Variants in WWC2 observed in about 807,000 individuals in gnomAD.
WWC2 encodes WW and C2 domain containing 2, also known as protein WWC2.
A neutral mutation model predicts 138.5 loss-of-function variants in WWC2; 101 were observed. The observed-to-expected ratio is 0.73, with a 90% CI of 0.62 to 0.86. The LOEUF is 0.86. Among genes scored for constraint, WWC2 ranks in the 40% least tolerant of loss-of-function variants. The pLI is 0.00. For synonymous variants in WWC2, 558 were observed against 538.4 expected (o/e 1.04, Z -0.50); for missense variants, 1,420 against 1,419.4 (o/e 1.00, Z -0.01).
At position 183,163,616 on chromosome 4, in the gene WWC2, C is replaced by G. The variant is rs565086464; in HGVS notation, c.132-29983C>G. 2.2e-4 allele frequency among the ~76,000 whole-genome samples: 34 copies of G among 152,254 alleles called. 1 individual carries two copies. The South Asian group carries it at 7.1e-3, about 32-fold the overall frequency. ...CCTCAGTGTAAATTAGGATACGTCT[C>G]TATTTCCTTTATTTTTCATTTTGGT... On this transcript the variant is annotated intron_variant, in intron 1 of 22. Transcript: ENST00000403733.
intron 1 of WWC2, among the ~76,000 whole-genome samples, chr4:183,109,006 G>GTT (rs1732137356): frequency 6.6e-6 from 1 of 152,014 alleles, no homozygotes; most frequent in Admixed American, 6.6e-5. Context: ...CTAATTTTGT[G>GTT]GTTTTTTTTC....
At chr4:183,300,357 C>T (rs73872353) in intron 21 of WWC2, among the ~76,000 whole-genome samples, 77 of 110,980 alleles carry the variant, frequency 6.9e-4, no homozygotes, top group Non-Finnish European at 6.4e-4. Context: ...TTTTTTTTTT[C>T]CATAGAGTGT....
At chr4:183,123,226 C>G (rs181004731) in intron 1 of WWC2, among the ~76,000 whole-genome samples, 2 of 152,168 alleles carry the variant, frequency 1.3e-5, no homozygotes, top group East Asian at 3.9e-4. Flanking sequence ...AATTTGTAAA[C>G]CCAAAAAATT....
At chr4:183,185,456 A>C (rs1248590887) in intron 1 of WWC2, among the ~76,000 whole-genome samples, 1 of 152,238 alleles carries the variant, frequency 6.6e-6, no homozygotes, top group Non-Finnish European at 1.5e-5. Context: ...TCACGTAAAA[A>C]AGAGGAAAGT....
intron 1 of WWC2, among the ~76,000 whole-genome samples, chr4:183,168,871 A>C (rs1163543739): frequency 6.6e-6 from 1 of 151,992 alleles, no homozygotes; most frequent in Non-Finnish European, 1.5e-5. Context: ...TTTTTGAGAC[A>C]GAGTTTCACT....
At chr4:183,163,465 A>C (rs1398529769) in intron 1 of WWC2, among the ~76,000 whole-genome samples, 1 of 152,236 alleles carries the variant, frequency 6.6e-6, no homozygotes, top group African/African-American at 2.4e-5. Flanking sequence ...CATGATAGGG[A>C]GGATGCAGAT....
intron 1 of WWC2, among the ~76,000 whole-genome samples, chr4:183,124,964 G>C (rs1054357750): frequency 2.0e-5 from 3 of 152,148 alleles, no homozygotes; most frequent in Non-Finnish European, 4.4e-5. Flanking sequence ...TTTTCTGATG[G>C]AATGTGTAGC....
At chr4:183,290,862 G>A (rs1194729675) in intron 21 of WWC2, among the ~76,000 whole-genome samples, 1 of 152,212 alleles carries the variant, frequency 6.6e-6, no homozygotes, top group East Asian at 1.9e-4. Flanking sequence ...ATCATGTCAT[G>A]TATAGTACTG....
chr4:183,258,070 C>G (rs1409151850), intron 9 of WWC2, among the ~76,000 whole-genome samples: 1 of 152,146 alleles, frequency 6.6e-6, no homozygotes, highest in African/African-American at 2.4e-5. Context: ...TGACGTCATC[C>G]TGGTGCCTCC....
chr4:183,155,221 A>AGTGT (rs34320402), intron 1 of WWC2, among the ~76,000 whole-genome samples: 3 of 135,282 alleles, frequency 2.2e-5, no homozygotes, highest in African/African-American at 8.3e-5. Context: ...AGAGAGAGAG[A>AGTGT]GAGTTAGTTG....
At chr4:183,111,909 G>A (rs2152887748) in intron 1 of WWC2, among the ~76,000 whole-genome samples, 1 of 152,164 alleles carries the variant, frequency 6.6e-6, no homozygotes, top group Middle Eastern at 3.4e-3. Context: ...TGTTGCCCAG[G>A]CTGGTCTCCA....
intron 1 of WWC2, among the ~76,000 whole-genome samples, chr4:183,178,967 A>G (rs936386069): frequency 6.6e-6 from 1 of 152,222 alleles, no homozygotes; most frequent in African/African-American, 2.4e-5. Context: ...TTTGGATACA[A>G]TTAAAATGGC....
At chr4:183,192,075 G>T (rs4241764) in intron 1 of WWC2, among the ~76,000 whole-genome samples, 143,865 of 152,264 alleles carry the variant, frequency 0.94, 68,520 homozygotes, top group Non-Finnish European at 1. Context: ...CTGTTTCTGG[G>T]AACTATATTC....
intron 2 of WWC2, among the ~76,000 whole-genome samples, chr4:183,204,208 C>T (rs950367912): frequency 2.0e-5 from 3 of 152,196 alleles, no homozygotes; most frequent in African/African-American, 7.2e-5. Context: ...CTGTCTTCTT[C>T]ACTTGTCAGT....
intron 1 of WWC2, among the ~76,000 whole-genome samples, chr4:183,123,217 A>G (rs1732658998): frequency 6.6e-6 from 1 of 152,188 alleles, no homozygotes; most frequent in Non-Finnish European, 1.5e-5. Context: ...TTGTAGCTTA[A>G]TTTGTAAACC....
intron 1 of WWC2, among the ~76,000 whole-genome samples, chr4:183,099,890 C>A (rs920671896): frequency 3.9e-5 from 6 of 152,212 alleles, no homozygotes; most frequent in Non-Finnish European, 7.4e-5. Context: ...GCCAGGCTAA[C>A]GGACCCGAGG....
chr4:183,251,590 C>A (rs1241454931), intron 8 of WWC2, among the ~76,000 whole-genome samples: 1 of 152,096 alleles, frequency 6.6e-6, no homozygotes, highest in Non-Finnish European at 1.5e-5. Context: ...AAATTTAAGA[C>A]CTGCCTAATG....
chr4:183,157,589 C>T (rs1398690457), intron 1 of WWC2, among the ~76,000 whole-genome samples: 1 of 152,146 alleles, frequency 6.6e-6, no homozygotes, highest in Non-Finnish European at 1.5e-5. Flanking sequence ...CAACCTCCAC[C>T]TCCTGGGTTC....
chr4:183,148,865 G>C (rs1259430530), intron 1 of WWC2, among the ~76,000 whole-genome samples: 1 of 152,164 alleles, frequency 6.6e-6, no homozygotes, highest in Non-Finnish European at 1.5e-5. Context: ...AGTAGCTCAT[G>C]CCTGCAATCC....
Sources: allele counts gnomAD v4.1 joint callset (sites outside exome capture counted in the v4.1 genomes callset), GRCh38; gene constraint gnomAD v4.1.1; transcripts MANE v1.5; gene names NCBI Gene and HGNC (gene_info 2026-07-23, HGNC 2026-07-21).